The following ROBO1 variants were observed in gnomAD, a reference collection of about 807,000 sequenced individuals.
ROBO1 encodes the protein roundabout guidance receptor 1, also known as roundabout homolog 1.
Under a neutral mutation model 195.9 loss-of-function variants are expected in ROBO1, and 149 were observed. That is an observed-to-expected ratio of 0.76 (90% CI 0.67 to 0.87). The LOEUF (loss-of-function observed/expected upper bound fraction) is 0.87. Among genes scored for constraint, ROBO1 ranks in the 40% least tolerant of loss-of-function variants. ROBO1 has a pLI of 0.00. For synonymous variants in ROBO1, 816 were observed against 733.2 expected (o/e 1.11, Z -1.82); for missense variants, 1,933 against 2,068.3 (o/e 0.93, Z 1.27).
At chr3:79,000,160 C>T (rs557139102) in intron 3 of ROBO1, among the ~76,000 whole-genome samples, 1 of 152,190 alleles carries the variant, frequency 6.6e-6, no homozygotes, top group South Asian at 2.1e-4. Context: ...AAACTTACAA[C>T]CATGGTGGAA....
chr3:79,324,227 TA>T (rs1279110288), intron 2 of ROBO1, among the ~76,000 whole-genome samples: 3 of 152,122 alleles, frequency 2.0e-5, no homozygotes, highest in Admixed American at 6.5e-5. Context: ...TCAGGAAGAT[TA>T]ATGTGGAGAG....
At chr3:78,802,119 T>C (rs2084389419) in intron 4 of ROBO1, among the ~76,000 whole-genome samples, 1 of 152,138 alleles carries the variant, frequency 6.6e-6, no homozygotes. Context: ...TAGGAAGTTA[T>C]ACTAAGAAGA....
At chr3:79,135,164 TTA>T (rs1426612475) in intron 2 of ROBO1, among the ~76,000 whole-genome samples, 1 of 152,188 alleles carries the variant, frequency 6.6e-6, no homozygotes, top group African/African-American at 2.4e-5. Flanking sequence ...AACTGAAATT[TTA>T]TGTCCTTTGG....
chr3:78,738,648 T>A (rs1451335975), intron 5 of ROBO1, among the ~76,000 whole-genome samples: 1 of 152,150 alleles, frequency 6.6e-6, no homozygotes, highest in East Asian at 1.9e-4. Flanking sequence ...CCTGAGAGAT[T>A]TCCTGGGAAT....
intron 2 of ROBO1, among the ~76,000 whole-genome samples, chr3:79,299,247 G>C (rs560084891): frequency 6.6e-6 from 1 of 152,216 alleles, no homozygotes; most frequent in East Asian, 1.9e-4. Context: ...AAAATTTAGA[G>C]AAAAGAGCAT....
chr3:79,687,503 C>T (rs1317413987), intron 1 of ROBO1, among the ~76,000 whole-genome samples: 2 of 152,102 alleles, frequency 1.3e-5, no homozygotes, highest in Admixed American at 6.6e-5. Context: ...CCAGAATCTA[C>T]AATGAACTCA....
chr3:79,741,227 C>A (rs1459598271), intron 1 of ROBO1, among the ~76,000 whole-genome samples: 1 of 152,170 alleles, frequency 6.6e-6, no homozygotes, highest in Non-Finnish European at 1.5e-5. Context: ...ATTCCCTCAG[C>A]CAACCATTAG....
chr3:79,341,643 T>A (rs2034910363), intron 2 of ROBO1, among the ~76,000 whole-genome samples: 1 of 152,126 alleles, frequency 6.6e-6, no homozygotes. Flanking sequence ...TGTGCCTGGC[T>A]TCTACTGATT....
At chr3:79,093,476 ATAT>A (rs1451283353) in intron 3 of ROBO1, among the ~76,000 whole-genome samples, 13 of 152,146 alleles carry the variant, frequency 8.5e-5, no homozygotes, top group African/African-American at 3.1e-4. Flanking sequence ...TTAGAAGAAA[ATAT>A]TATAGCATTG....
chr3:79,341,052 C>A (rs2034886838), intron 2 of ROBO1, among the ~76,000 whole-genome samples: 1 of 152,076 alleles, frequency 6.6e-6, no homozygotes. Flanking sequence ...TTGTACAGCA[C>A]CCATTGAATT....
At position 79,418,338 on chromosome 3, in the gene ROBO1, T is replaced by C. The variant is rs142981622; in HGVS notation, c.88+171486A>G. Among the ~76,000 whole-genome samples the C allele has an allele frequency of 2.9e-3, 438 of 152,226 alleles. 12 individuals carry two copies. The highest frequency in any genetic ancestry group is 0.025 in the Admixed American group (374 of 15,260). Reference sequence around the variant, plus strand: ...TTAGAGATGAACAAGAACTCAAATCTCAATTGCAATTACTTTTCTATCTCC... The same window carrying C: ...TTAGAGATGAACAAGAACTCAAATCCCAATTGCAATTACTTTTCTATCTCC... On this transcript the variant is annotated intron_variant, in intron 2 of 30. Transcript: ENST00000464233.
At chr3:79,498,641 G>A (rs1281273116) in intron 2 of ROBO1, among the ~76,000 whole-genome samples, 1 of 152,056 alleles carries the variant, frequency 6.6e-6, no homozygotes, top group Non-Finnish European at 1.5e-5. Flanking sequence ...ATTACCTGAG[G>A]TCAGAAGTTC....
chr3:78,744,532 C>T (rs570047687), intron 5 of ROBO1, among the ~76,000 whole-genome samples: 2 of 152,290 alleles, frequency 1.3e-5, no homozygotes, highest in East Asian at 3.9e-4. Flanking sequence ...AAAAAGGCTA[C>T]CCCCTGATTG....
chr3:79,573,728 C>A (rs907072257), intron 2 of ROBO1, among the ~76,000 whole-genome samples: 2 of 152,108 alleles, frequency 1.3e-5, no homozygotes, highest in African/African-American at 4.8e-5. Context: ...TTAATTTCTG[C>A]AGCCACCTCC....
intron 3 of ROBO1, among the ~76,000 whole-genome samples, chr3:79,090,871 A>G (rs999233124): frequency 6.6e-6 from 1 of 152,194 alleles, no homozygotes; most frequent in Non-Finnish European, 1.5e-5. Flanking sequence ...TAGCTTTATC[A>G]TGTTTAAATT....
intron 3 of ROBO1, among the ~76,000 whole-genome samples, chr3:79,034,881 T>A (rs1339277968): frequency 6.6e-6 from 1 of 152,106 alleles, no homozygotes; most frequent in African/African-American, 2.4e-5. Flanking sequence ...AATATATATG[T>A]CCTAGAATAT....
intron 4 of ROBO1, among the ~76,000 whole-genome samples, chr3:78,854,324 T>C (rs1420934882): frequency 6.8e-6 from 1 of 148,020 alleles, no homozygotes; most frequent in African/African-American, 2.5e-5. Flanking sequence ...TTTATTAGTA[T>C]ATATTTATTA....
intron 3 of ROBO1, among the ~76,000 whole-genome samples, chr3:78,999,426 G>A (rs1337227068): frequency 1.3e-5 from 2 of 152,056 alleles, no homozygotes; most frequent in Non-Finnish European, 2.9e-5. Context: ...ATTATCCTAA[G>A]CAAATTTACA....
intron 1 of ROBO1, among the ~76,000 whole-genome samples, chr3:79,694,586 G>C (rs950723375): frequency 1.3e-5 from 2 of 151,660 alleles, no homozygotes; most frequent in African/African-American, 4.8e-5. Context: ...ATAAAGGGGA[G>C]GTTAATTTTA....
Sources: gnomAD v4.1 joint callset for allele counts (sites outside exome capture counted in the v4.1 genomes callset) on GRCh38, gnomAD v4.1.1 for gene constraint, MANE v1.5 for transcripts, NCBI Gene and HGNC (gene_info 2026-07-23, HGNC 2026-07-21) for gene names.